Variants in SRGAP2C observed in about 807,000 individuals in gnomAD.
SRGAP2C encodes SLIT-ROBO Rho GTPase-activating protein 2C.
SRGAP2C carries 15 observed loss-of-function variants against 25.1 expected under a neutral mutation model. The ratio of observed to expected loss-of-function variants is 0.60; its 90% CI spans 0.40 to 0.92. SRGAP2C has a LOEUF of 0.92. SRGAP2C is among the 40% of genes least tolerant of loss of function. SRGAP2C has a pLI of 0.00. For missense variants in SRGAP2C, 144 were observed against 264.4 expected, an observed-to-expected ratio of 0.54 and a Z score of 3.16; for synonymous variants, 44 against 96.6, an observed-to-expected ratio of 0.46 and a Z score of 3.19.
chr1:121,185,056 A>C lies in SRGAP2C; in HGVS notation c.-611A>C, dbSNP rs1654463321. On this transcript the variant is annotated 5_prime_UTR_variant, in exon 1 of 10. Transcript: ENST00000367123. Reference sequence around the variant, plus strand: ...ATCTGCGTAGAAACGGGTGGCGGGGAAGAGAGGGGAGGAGAGCTCTGAGTG... The same window carrying C: ...ATCTGCGTAGAAACGGGTGGCGGGGCAGAGAGGGGAGGAGAGCTCTGAGTG... 2.0e-6 allele frequency: 1 copy of C among 495,474 alleles called. No homozygotes were observed. The highest frequency in any genetic ancestry group is 3.3e-5 in the East Asian group (1 of 30,528). 30.7% of individuals were successfully genotyped at this position (495,474 alleles called of 1,614,324 possible).
At chr1:121,198,081 G>T (rs1654879681) in intron 2 of SRGAP2C, among the ~76,000 whole-genome samples, 1 of 37,172 alleles carries the variant, frequency 2.7e-5, no homozygotes, top group African/African-American at 1.1e-4. Context: ...AGGTCCTAAG[G>T]AACAAGCAGG....
intron 3 of SRGAP2C, among the ~76,000 whole-genome samples, chr1:121,308,464 G>C (rs1236357580): frequency 6.6e-6 from 1 of 151,166 alleles, no homozygotes; most frequent in African/African-American, 2.4e-5. Context: ...AGAATCAGAT[G>C]ATAAATTAAT....
At chr1:121,264,749 T>C (rs1365199331) in intron 2 of SRGAP2C, among the ~76,000 whole-genome samples, 7 of 148,094 alleles carry the variant, frequency 4.7e-5, no homozygotes, top group Admixed American at 1.4e-4. Flanking sequence ...TCCCCGATAA[T>C]GGGCTTTTTA....
chr1:121,370,910 G>A (rs1275973845), intron 5 of SRGAP2C, among the ~76,000 whole-genome samples: 165 of 150,200 alleles, frequency 1.1e-3, no homozygotes, highest in African/African-American at 3.2e-3. Context: ...CCTGCTTTTC[G>A]GCTTCAGCTT....
intron 3 of SRGAP2C, among the ~76,000 whole-genome samples, chr1:121,319,567 C>T (rs1395099081): frequency 7.3e-5 from 11 of 151,674 alleles, no homozygotes; most frequent in East Asian, 3.9e-4. Context: ...GTTTGTTGAA[C>T]GTCCATAAAT....
intron 2 of SRGAP2C, among the ~76,000 whole-genome samples, chr1:121,238,818 GTTTCC>G (rs1656022378): frequency 7.9e-6 from 1 of 127,188 alleles, no homozygotes; most frequent in Non-Finnish European, 1.7e-5. Context: ...TCTCACTCTT[GTTTCC>G]CAGGATGGAG....
intron 8 of SRGAP2C, among the ~76,000 whole-genome samples, 151 bp downstream of exon 8, chr1:121,383,076 CAGTT>C (rs1215544157): frequency 1.4e-5 from 2 of 144,140 alleles, no homozygotes; most frequent in Non-Finnish European, 3.0e-5. Flanking sequence ...ATTGAGCAAA[CAGTT>C]AGTGAGTGCC....
At chr1:121,305,072 T>TG (rs1338411184) in intron 3 of SRGAP2C, among the ~76,000 whole-genome samples, 2 of 148,968 alleles carry the variant, frequency 1.3e-5, no homozygotes, top group Admixed American at 1.3e-4. Flanking sequence ...CCCCTACTTC[T>TG]GGGCCAGCCC....
chr1:121,218,486 C>T (rs1174319651), intron 2 of SRGAP2C, among the ~76,000 whole-genome samples: 2 of 106,316 alleles, frequency 1.9e-5, no homozygotes, highest in Non-Finnish European at 3.6e-5. Flanking sequence ...GCTGGGATTA[C>T]AGGCACATGT....
chr1:121,217,730 A>G (rs144372490), intron 2 of SRGAP2C, among the ~76,000 whole-genome samples: 2 of 152,318 alleles, frequency 1.3e-5, no homozygotes, highest in East Asian at 3.9e-4. Context: ...TAAGAAGCTA[A>G]TGATGTTGGT....
chr1:121,191,748 C>G (rs1388733796), intron 2 of SRGAP2C, among the ~76,000 whole-genome samples: 1 of 151,162 alleles, frequency 6.6e-6, no homozygotes, highest in Admixed American at 6.6e-5. Flanking sequence ...TTTCCTTTAC[C>G]CTCTCTATAC....
At chr1:121,222,470 A>G (rs1431432729) in intron 2 of SRGAP2C, among the ~76,000 whole-genome samples, 1 of 152,068 alleles carries the variant, frequency 6.6e-6, no homozygotes, top group East Asian at 1.9e-4. Context: ...CTCTACAGAT[A>G]ATTTAAAAAT....
At chr1:121,344,058 A>AT (rs1328877568) in intron 4 of SRGAP2C, among the ~76,000 whole-genome samples, 1 of 138,256 alleles carries the variant, frequency 7.2e-6, no homozygotes, top group Non-Finnish European at 1.6e-5. Flanking sequence ...TCTCTCTAAG[A>AT]TTTATCTCTG....
intron 4 of SRGAP2C, among the ~76,000 whole-genome samples, chr1:121,358,201 ATTG>A (rs1383697658): frequency 6.6e-6 from 1 of 151,952 alleles, no homozygotes; most frequent in East Asian, 1.9e-4. Flanking sequence ...ATGCAGCTAT[ATTG>A]TTTAGTTCTT....
At chr1:121,224,913 C>T (rs1190923054) in intron 2 of SRGAP2C, among the ~76,000 whole-genome samples, 3 of 138,336 alleles carry the variant, frequency 2.2e-5, no homozygotes, top group African/African-American at 8.3e-5. Flanking sequence ...ACCTAGAGAA[C>T]AGGAAACAAG....
intron 2 of SRGAP2C, among the ~76,000 whole-genome samples, chr1:121,273,299 A>G (rs1322261630): frequency 2.1e-5 from 2 of 97,536 alleles, no homozygotes; most frequent in African/African-American, 6.0e-5. Context: ...ACTGTGGTCA[A>G]CTAAATCAGT....
chr1:121,302,422 TTAC>T (rs1657723561), intron 3 of SRGAP2C, among the ~76,000 whole-genome samples: 1 of 148,714 alleles, frequency 6.7e-6, no homozygotes, highest in Admixed American at 6.7e-5. Flanking sequence ...TGTTAACATA[TTAC>T]TACATTTGCT....
intron 3 of SRGAP2C, among the ~76,000 whole-genome samples, chr1:121,286,846 C>T (rs1657381147): frequency 6.7e-6 from 1 of 150,280 alleles, no homozygotes; most frequent in Non-Finnish European, 1.5e-5. Flanking sequence ...ACATTCACTC[C>T]AGTGGGTCAC....
chr1:121,243,807 A>T, intron 2 of SRGAP2C, among the ~76,000 whole-genome samples: 1 of 118,068 alleles, frequency 8.5e-6, no homozygotes, highest in African/African-American at 3.7e-5. Flanking sequence ...TGAAATGATT[A>T]AATGAGATAA....
Sources: allele counts gnomAD v4.1 joint callset (sites outside exome capture counted in the v4.1 genomes callset), GRCh38; gene constraint gnomAD v4.1.1; transcripts MANE v1.5; gene names NCBI Gene and HGNC (gene_info 2026-07-23, HGNC 2026-07-21).